The following KDM4C variants were observed in gnomAD, a reference collection of about 807,000 sequenced individuals.
KDM4C encodes the protein lysine-specific demethylase 4C.
A neutral mutation model predicts 129.3 loss-of-function variants in KDM4C; 81 were observed. The ratio of observed to expected loss-of-function variants is 0.63; its 90% confidence interval spans 0.52 to 0.75. The LOEUF is 0.75. Ranked by LOEUF, KDM4C falls within the 30% of genes least tolerant of loss-of-function variation. The pLI is 0.00. For missense variants in KDM4C, 1,457 were observed against 1,304.0 expected (o/e 1.12, Z -1.81); for synonymous variants, 573 against 456.1 (o/e 1.26, Z -3.26).
chr9:6,878,115 C>T (rs1424039991), intron 5 of KDM4C, among the ~76,000 whole-genome samples: 1 of 152,008 alleles, frequency 6.6e-6, no homozygotes, highest in East Asian at 1.9e-4. Flanking sequence ...GCATTTTTGC[C>T]CAGTTGTGCT....
chr9:7,068,447 A>G (rs914402620), intron 17 of KDM4C, among the ~76,000 whole-genome samples: 4 of 152,200 alleles, frequency 2.6e-5, no homozygotes, highest in Admixed American at 2.6e-4. Flanking sequence ...GATTTGCTGC[A>G]AAGTATGAAA....
intron 17 of KDM4C, among the ~76,000 whole-genome samples, chr9:7,097,786 A>C (rs1456374035): frequency 2.0e-5 from 3 of 152,270 alleles, no homozygotes; most frequent in Non-Finnish European, 4.4e-5. Flanking sequence ...TAAGTTCCTT[A>C]AATACAAGGA....
In KDM4C at chr9:7,056,138, A is replaced by G. The variant is rs555388375; in HGVS notation, c.2424+6938A>G. On this transcript the variant is annotated intron_variant, in intron 17 of 21. Transcript: ENST00000381309. ...TGCTTAAACAGTAATCAGTAGTGTT[A>G]ATGTGCACAAAAAGTGCTTTGAATA... 2.0e-3 allele frequency among the ~76,000 whole-genome samples: 310 copies of G among 152,318 alleles called. 2 individuals are homozygous for G. Among genetic ancestry groups the G allele is most frequent in the African/African-American group, 6.6e-3 (276 of 41,574 alleles).
intron 8 of KDM4C, among the ~76,000 whole-genome samples, chr9:6,949,828 C>G (rs931593592): frequency 2.0e-5 from 3 of 151,900 alleles, no homozygotes; most frequent in African/African-American, 4.8e-5. Context: ...AGAGGGAGAC[C>G]GTGGAGGGAG....
At chr9:7,015,989 A>G (rs1823588883) in intron 15 of KDM4C, 60 bp downstream of exon 15, 2 of 1,225,322 alleles carry the variant, frequency 1.6e-6, no homozygotes, top group African/African-American at 3.0e-5. Context: ...CTGTGGACAC[A>G]TTTAAGTCTA....
At chr9:7,099,703 A>G (rs186295315) in intron 17 of KDM4C, among the ~76,000 whole-genome samples, 11 of 152,316 alleles carry the variant, frequency 7.2e-5, no homozygotes, top group African/African-American at 2.6e-4. Flanking sequence ...GGCCCCGCCA[A>G]GATGTGCTGG....
Position 7,052,896 on chromosome 9 carries a change from A to AGC in KDM4C, c.2424+3697_2424+3698insCG, listed in dbSNP as rs1564049650. ...GAGAGAGAGAGAGAGAGAGAGAGAG[A>AGC]GAGAGCGAGCGAGTGCCCAAGGGAT... On this transcript the variant is annotated intron_variant, in intron 17 of 21. Transcript: ENST00000381309. Among the ~76,000 whole-genome samples, 53 of 13,100 alleles carry AGC rather than the reference A, an allele frequency of 4.0e-3. 2 individuals carry two copies. Among genetic ancestry groups the AGC allele is most frequent in the African/African-American group, 0.013 (53 of 4,100 alleles). 8.6% of individuals were successfully genotyped at this position (13,100 alleles called of 152,430 possible).
chr9:6,850,975 G>C (rs1838737310), intron 5 of KDM4C, among the ~76,000 whole-genome samples: 1 of 151,402 alleles, frequency 6.6e-6, no homozygotes, highest in South Asian at 2.1e-4. Flanking sequence ...GGCTGGTCTC[G>C]AACTCTTGAC....
intron 6 of KDM4C, 140 bp downstream of exon 6, chr9:6,880,201 G>T: frequency 6.8e-6 from 3 of 440,600 alleles, no homozygotes; most frequent in East Asian, 3.6e-5. Context: ...ACTTTTACAT[G>T]TTTTTTTAAT....
At chr9:7,144,216 C>G (rs1434358576) in intron 19 of KDM4C, among the ~76,000 whole-genome samples, 1 of 151,896 alleles carries the variant, frequency 6.6e-6, no homozygotes, top group African/African-American at 2.4e-5. Flanking sequence ...CTCCCAAACT[C>G]AAACTTTGGG....
At chr9:7,001,521 G>C (rs535913615) in intron 12 of KDM4C, among the ~76,000 whole-genome samples, 1 of 152,312 alleles carries the variant, frequency 6.6e-6, no homozygotes, top group East Asian at 1.9e-4. Flanking sequence ...AGAGGAAGAA[G>C]ATGTATAGCC....
intron 1 of KDM4C, among the ~76,000 whole-genome samples, chr9:6,786,638 C>T (rs1825556303): frequency 6.6e-6 from 1 of 152,114 alleles, no homozygotes; most frequent in Non-Finnish European, 1.5e-5. Flanking sequence ...TTTTAAACTT[C>T]TGTTTCTTCT....
chr9:7,081,842 G>C (rs1834556501), intron 17 of KDM4C, among the ~76,000 whole-genome samples: 1 of 152,144 alleles, frequency 6.6e-6, no homozygotes, highest in African/African-American at 2.4e-5. Flanking sequence ...GGTACGGAAA[G>C]GCATGTATTA....
intron 2 of KDM4C, among the ~76,000 whole-genome samples, chr9:6,803,948 G>C (rs1829490718): frequency 6.6e-6 from 1 of 151,910 alleles, no homozygotes; most frequent in Non-Finnish European, 1.5e-5. Context: ...TCAGCCTCTC[G>C]AGTACCTGGG....
intron 1 of KDM4C, among the ~76,000 whole-genome samples, chr9:6,726,131 C>T (rs1165447159): frequency 1.3e-5 from 2 of 151,788 alleles, no homozygotes; most frequent in East Asian, 1.9e-4. Context: ...GTTTCGCCGT[C>T]GCGGCCAGAC....
rs573995895 is a variant in KDM4C at position 6,928,674 on chromosome 9, G to A, written c.921+35442G>A. ...CTGTGGTCTTTGCTTTGTTATTGTC[G>A]TGCCCGTTATTTTTTATCGCCTATG... On this transcript the variant is annotated intron_variant, in intron 8 of 21. Transcript: ENST00000381309. Among the ~76,000 whole-genome samples, 7 of 150,978 alleles carry A rather than the reference G, an allele frequency of 4.6e-5. No homozygotes were observed. The South Asian group carries it at 1.0e-3, about 23-fold the overall frequency.
intron 19 of KDM4C, among the ~76,000 whole-genome samples, chr9:7,149,096 C>T (rs1182708605): frequency 6.6e-6 from 1 of 152,208 alleles, no homozygotes; most frequent in Non-Finnish European, 1.5e-5. Flanking sequence ...CACCAAGGGG[C>T]ACTTGCATGC....
chr9:6,768,895 C>T (rs550859407), intron 1 of KDM4C, among the ~76,000 whole-genome samples: 2 of 152,088 alleles, frequency 1.3e-5, no homozygotes, highest in Non-Finnish European at 2.9e-5. Context: ...GCCTCAGCCT[C>T]CCGAGTAACT....
intron 5 of KDM4C, among the ~76,000 whole-genome samples, chr9:6,869,287 C>G (rs371086531): frequency 2.8e-4 from 42 of 152,284 alleles, no homozygotes; most frequent in African/African-American, 9.1e-4. Flanking sequence ...CGGCTGAGCT[C>G]TAGCTGAGTT....
Sources: allele counts gnomAD v4.1 joint callset (sites outside exome capture counted in the v4.1 genomes callset), GRCh38; gene constraint gnomAD v4.1.1; transcripts MANE v1.5; gene names NCBI Gene and HGNC (gene_info 2026-07-23, HGNC 2026-07-21).